PCCB: variants seen among roughly 807,000 people sequenced by gnomAD.
The protein encoded by PCCB is propionyl-CoA carboxylase subunit beta.
In PCCB, 43 loss-of-function variants were observed where a neutral mutation model predicts 60.7. That is an observed-to-expected ratio of 0.71 (90% CI 0.55 to 0.91). The LOEUF (loss-of-function observed/expected upper bound fraction) is 0.91. Among genes scored for constraint, PCCB ranks in the 40% least tolerant of loss-of-function variants. PCCB has a pLI of 0.00. For missense variants in PCCB, 766 were observed against 702.8 expected (o/e 1.09, Z -1.02); for synonymous variants, 276 against 255.9 (o/e 1.08, Z -0.75).
intron 10 of PCCB, among the ~76,000 whole-genome samples, chr3:136,321,234 T>C (rs2108231204): frequency 6.6e-6 from 1 of 152,288 alleles, no homozygotes; most frequent in South Asian, 2.1e-4. Context: ...TGCAGCAAAA[T>C]TGAATGGAAA....
At chr3:136,288,346 TA>T (rs1470053263) in intron 6 of PCCB, among the ~76,000 whole-genome samples, 6 of 152,186 alleles carry the variant, frequency 3.9e-5, no homozygotes, top group African/African-American at 9.6e-5. Context: ...TGTTTTTTAT[TA>T]TTTTTTTTTA....
intron 6 of PCCB, among the ~76,000 whole-genome samples, chr3:136,289,557 T>C (rs1463260629): frequency 1.3e-5 from 2 of 152,192 alleles, no homozygotes; most frequent in Non-Finnish European, 2.9e-5. Context: ...ACATCCCTTA[T>C]AGTTGTGTCT....
intron 8 of PCCB, among the ~76,000 whole-genome samples, chr3:136,300,128 A>G (rs933299801): frequency 6.6e-6 from 1 of 151,734 alleles, no homozygotes; most frequent in Non-Finnish European, 1.5e-5. Flanking sequence ...ACGTGTATAT[A>G]TGTATATCTA....
intron 5 of PCCB, among the ~76,000 whole-genome samples, chr3:136,282,031 A>G (rs983739121): frequency 4.6e-5 from 7 of 152,138 alleles, no homozygotes; most frequent in African/African-American, 9.7e-5. Context: ...GCCAGCCTCT[A>G]TGCTTAGCCC....
intron 5 of PCCB, 128 bp downstream of exon 5, chr3:136,262,193 C>CT: frequency 1.4e-6 from 1 of 706,692 alleles, no homozygotes; most frequent in South Asian, 1.5e-5. Flanking sequence ...TGGGTCCTTT[C>CT]TGTGTCACTG....
rs375159749 is a variant in PCCB at position 136,253,889 on chromosome 3, C to A, written c.184-1967C>A. Among the ~76,000 whole-genome samples the A allele has an allele frequency of 6.6e-5, 10 of 151,912 alleles. No homozygotes were observed. The East Asian group carries it at 1.6e-3, about 24-fold the overall frequency. On this transcript the variant is annotated intron_variant, in intron 1 of 14. Coordinates refer to ENST00000251654, the MANE Select transcript of PCCB (RefSeq NM_000532.5). ...GTCTCAACTCCTGGGCTCAAGCAGT[C>A]CTCCCACCTTGGCCTTCCAAAGTGC... is the stretch of plus-strand genomic sequence containing the variant.
intron 1 of PCCB, 134 bp downstream of exon 1, chr3:136,250,692 C>G: frequency 1.2e-6 from 1 of 849,216 alleles, no homozygotes; most frequent in Non-Finnish European, 1.8e-6. Flanking sequence ...GGGTGTTCAC[C>G]TTGAAAACCT....
rs60968242 is a variant in PCCB, at chr3:136,327,264, C to T, written c.1299+9C>T. ...CAGTCATCACCAGGAAGGTGAGGAC[C>T]TCATGTTGGAGGCCATGACCCTGCT... On this transcript the variant is annotated intron_variant, in intron 12 of 14. Transcript: ENST00000251654. 1 of 1,601,682 alleles carries T rather than the reference C, an allele frequency of 6.2e-7. No individual in the cohort carries two copies. Among genetic ancestry groups the T allele is most frequent in the African/African-American group, 1.3e-5 (1 of 74,684 alleles).
intron 5 of PCCB, among the ~76,000 whole-genome samples, chr3:136,265,906 A>G (rs1425315569): frequency 1.3e-5 from 2 of 151,484 alleles, no homozygotes; most frequent in Non-Finnish European, 2.9e-5. Flanking sequence ...GCTCACTGCA[A>G]GCTCCACCTC....
intron 3 of PCCB, chr3:136,259,230 G>C: frequency 8.7e-7 from 1 of 1,149,854 alleles, no homozygotes; most frequent in Non-Finnish European, 1.2e-6. Flanking sequence ...ACTTTGGGAG[G>C]CCGAGGTGGG....
Position 136,250,586 on chromosome 3 carries a change from C to A in PCCB, c.183+28C>A, listed in dbSNP as rs770177479. ...GAGTCCTGAGGGGCCTAAGTGAGTC[C>A]CGCCCCTGGCGTCCGCGACCTATCA... On this transcript the variant is annotated intron_variant, in intron 1 of 14. Coordinates refer to ENST00000251654, the MANE Select transcript of PCCB (RefSeq NM_000532.5). The A allele has an allele frequency of 1.4e-5, 23 of 1,590,634 alleles. No individual in the cohort carries two copies. In the South Asian group the frequency reaches 2.2e-4, roughly 16 times the overall value.
intron 14 of PCCB, 73 bp downstream of exon 14, chr3:136,328,930 T>A: frequency 8.1e-7 from 1 of 1,230,692 alleles, no homozygotes; most frequent in Non-Finnish European, 1.2e-6. Flanking sequence ...ACAGAAATTG[T>A]CACATAACTG....
chr3:136,284,804 TG>T (rs1933304189), intron 6 of PCCB, among the ~76,000 whole-genome samples: 1 of 152,106 alleles, frequency 6.6e-6, no homozygotes, highest in African/African-American at 2.4e-5. Context: ...AAATTTAAGA[TG>T]GGCCATACAC....
chr3:136,268,101 T>G lies in PCCB; in HGVS notation c.543+6036T>G, dbSNP rs867971768. On this transcript the variant is annotated intron_variant, in intron 5 of 14. Transcript: ENST00000251654. ...GTGTGTGTGTAGATATATATATATA[T>G]ATATATATATATATATATATGTATA... Among the ~76,000 whole-genome samples, 910 of 122,226 alleles carry G rather than the reference T, an allele frequency of 7.4e-3. 16 individuals are homozygous for G. The highest frequency in any genetic ancestry group is 0.02 in the South Asian group (82 of 4,138). 80.2% of individuals were successfully genotyped at this position (122,226 alleles called of 152,430 possible).
At chr3:136,300,526 G>A (rs937573657) in intron 8 of PCCB, among the ~76,000 whole-genome samples, 5 of 152,244 alleles carry the variant, frequency 3.3e-5, no homozygotes, top group Non-Finnish European at 7.3e-5. Context: ...GTTCTGTGGT[G>A]ATTTTGCCCA....
intron 10 of PCCB, 52 bp from the exon 11 acceptor site, chr3:136,326,750 AT>A: frequency 8.3e-7 from 1 of 1,209,484 alleles, no homozygotes; most frequent in Non-Finnish European, 1.2e-6. Flanking sequence ...CCCATTGTGG[AT>A]AGAACTGGGA....
chr3:136,283,875 T>G lies in PCCB; in HGVS notation c.582T>G (p.Ser194=). ...VTASGVIPQI[S]LIMGPCAGGA... ...CATCCGGAGTCATCCCTCAGATTTCTCTGATCATGGGCCCATGTGCTGGTG... is the reference window on the plus strand; with the variant it reads ...CATCCGGAGTCATCCCTCAGATTTCGCTGATCATGGGCCCATGTGCTGGTG... The change falls in exon 6 of 15, where the codon TCT becomes TCG. Residue 194 remains serine (S), a synonymous_variant. Coordinates refer to ENST00000251654, the MANE Select transcript of PCCB (RefSeq NM_000532.5). 1 of 1,614,020 alleles carries G rather than the reference T, an allele frequency of 6.2e-7. No individual in the cohort carries two copies. Among genetic ancestry groups the G allele is most frequent in the Non-Finnish European group, 8.5e-7 (1 of 1,179,890 alleles).
chr3:136,253,082 GTTTTTTTTTTTTTT>G (rs59099393), intron 1 of PCCB, among the ~76,000 whole-genome samples: 2 of 71,500 alleles, frequency 2.8e-5, no homozygotes. Flanking sequence ...AGCAATGGAG[GTTTTTTTTTTTTTT>G]TTTTTTTTTT....
chr3:136,282,955 A>G (rs968848879), intron 5 of PCCB, among the ~76,000 whole-genome samples: 2 of 152,174 alleles, frequency 1.3e-5, no homozygotes, highest in Non-Finnish European at 2.9e-5. Flanking sequence ...GTTTTTGACA[A>G]TGCTGTCCAG....
Sources: allele counts gnomAD v4.1 joint callset (sites outside exome capture counted in the v4.1 genomes callset), GRCh38; gene constraint gnomAD v4.1.1; transcripts MANE v1.5; gene names NCBI Gene and HGNC (gene_info 2026-07-23, HGNC 2026-07-21).